Variants in HCRTR2 observed in about 807,000 individuals in gnomAD.
The protein encoded by HCRTR2 is orexin receptor type 2.
HCRTR2 carries 22 observed loss-of-function variants against 49.0 expected under a neutral mutation model. The observed-to-expected ratio is 0.45, with a 90% CI of 0.32 to 0.64. The LOEUF is 0.64. HCRTR2 is among the 30% of genes least tolerant of loss of function. The pLI, the probability that HCRTR2 is intolerant of heterozygous loss-of-function variation, is 0.04. For missense variants in HCRTR2, 491 were observed against 559.4 expected (o/e 0.88, Z 1.23); for synonymous variants, 236 against 205.3 (o/e 1.15, Z -1.28).
intron 1 of HCRTR2, among the ~76,000 whole-genome samples, chr6:55,205,239 A>G (rs116683135): frequency 0.011 from 1,665 of 152,340 alleles, 25 homozygotes; most frequent in African/African-American, 0.038. Flanking sequence ...CTGTGAGCCG[A>G]GATGAGATCA....
chr6:55,125,372 AGCTTAGTTTGGCTGGATAT>A (rs1764258745), intron 1 of HCRTR2, among the ~76,000 whole-genome samples: 1 of 152,098 alleles, frequency 6.6e-6, no homozygotes, highest in African/African-American at 2.4e-5. Flanking sequence ...TCACTATTGA[AGCTTAGTTTGGCTGGATAT>A]AAAATTCTGG....
At chr6:55,153,610 AT>A in intron 1 of HCRTR2, among the ~76,000 whole-genome samples, 1 of 152,106 alleles carries the variant, frequency 6.6e-6, no homozygotes, top group South Asian at 2.1e-4. Context: ...TGTTTTGATT[AT>A]TGTAGCTTTG....
chr6:55,276,891 A>G (rs1035892343), intron 4 of HCRTR2, among the ~76,000 whole-genome samples: 2 of 152,198 alleles, frequency 1.3e-5, no homozygotes, highest in Non-Finnish European at 2.9e-5. Flanking sequence ...CTCGAGAAGC[A>G]GAAAACCTGA....
At chr6:55,162,325 A>G (rs1282442279) in intron 1 of HCRTR2, among the ~76,000 whole-genome samples, 1 of 152,212 alleles carries the variant, frequency 6.6e-6, no homozygotes, top group Non-Finnish European at 1.5e-5. Context: ...CTAGGTATCG[A>G]TGCAATGTAT....
chr6:55,132,270 T>A (rs543155050), intron 1 of HCRTR2, among the ~76,000 whole-genome samples: 6 of 152,022 alleles, frequency 3.9e-5, no homozygotes, highest in Admixed American at 3.3e-4. Flanking sequence ...CTAAACTCTT[T>A]CATAAAATGC....
In HCRTR2 at chr6:55,242,973, T is replaced by C. The variant is rs561517027; in HGVS notation, c.224-5666T>C. On this transcript the variant is annotated intron_variant, in intron 1 of 6. Transcript: ENST00000370862. Reference sequence around the variant, plus strand: ...TCTGAATATTATTTAACATATTTTATAAAGATATCCTTCTTTGGATCATGG... The same window carrying C: ...TCTGAATATTATTTAACATATTTTACAAAGATATCCTTCTTTGGATCATGG... Among the ~76,000 whole-genome samples, 7 of 152,372 alleles carry C rather than the reference T, an allele frequency of 4.6e-5. No individual in the cohort carries two copies. In the South Asian group the frequency reaches 1.4e-3, roughly 32 times the overall value.
intron 1 of HCRTR2, among the ~76,000 whole-genome samples, chr6:55,132,467 C>G (rs1561981793): frequency 6.6e-6 from 1 of 151,928 alleles, no homozygotes; most frequent in Non-Finnish European, 1.5e-5. Context: ...TATTGACACA[C>G]TATGCATGCC....
intron 4 of HCRTR2, among the ~76,000 whole-genome samples, chr6:55,266,160 C>T (rs1766856562): frequency 6.6e-6 from 1 of 152,114 alleles, no homozygotes; most frequent in Admixed American, 6.6e-5. Context: ...TTAATAATGG[C>T]CTCTCAACTA....
At chr6:55,133,879 G>A (rs9475160) in intron 1 of HCRTR2, among the ~76,000 whole-genome samples, 5,022 of 151,556 alleles carry the variant, frequency 0.033, 287 homozygotes, top group African/African-American at 0.11. Context: ...AAAATTTCTT[G>A]ATTTCATTCT....
intron 1 of HCRTR2, among the ~76,000 whole-genome samples, chr6:55,106,786 C>A (rs1763981087): frequency 1.3e-5 from 2 of 152,094 alleles, no homozygotes; most frequent in Non-Finnish European, 2.9e-5. Context: ...CCTGACAAAA[C>A]CCTGGGTTAA....
At chr6:55,119,895 T>G (rs780174808) in intron 1 of HCRTR2, among the ~76,000 whole-genome samples, 1 of 152,190 alleles carries the variant, frequency 6.6e-6, no homozygotes, top group Non-Finnish European at 1.5e-5. Context: ...AGGATTTTTA[T>G]GGTTTTAGGT....
intron 1 of HCRTR2, among the ~76,000 whole-genome samples, chr6:55,146,013 A>C (rs890035178): frequency 1.3e-5 from 2 of 151,604 alleles, no homozygotes; most frequent in Non-Finnish European, 2.9e-5. Flanking sequence ...GCTGGAAATG[A>C]GTTGTTGAAT....
chr6:55,193,384 A>G (rs1765354081), intron 1 of HCRTR2, among the ~76,000 whole-genome samples: 1 of 152,178 alleles, frequency 6.6e-6, no homozygotes, highest in Non-Finnish European at 1.5e-5. Context: ...AAGAAAGTGA[A>G]TGACAGGAGG....
intron 1 of HCRTR2, among the ~76,000 whole-genome samples, chr6:55,228,619 T>C (rs1562014328): frequency 6.6e-6 from 1 of 152,118 alleles, no homozygotes; most frequent in Non-Finnish European, 1.5e-5. Flanking sequence ...GTTTCACAGG[T>C]ATCACACCAA....
rs564738461 is a variant in HCRTR2, at chr6:55,245,398, T to C, written c.224-3241T>C. On this transcript the variant is annotated intron_variant, in intron 1 of 6. Transcript: ENST00000370862. The stretch of plus-strand genomic sequence containing the variant: ...ATATATATATATATGTATATATATA[T>C]ACACACACACACACATAGGAATACA... Among the ~76,000 whole-genome samples the C allele has an allele frequency of 4.7e-3, 660 of 140,720 alleles. 10 individuals carry two copies. The highest frequency in any genetic ancestry group is 0.017 in the African/African-American group (630 of 38,028). 92.3% of individuals were successfully genotyped at this position (140,720 alleles called of 152,430 possible). A position where few individuals can be genotyped will look rare whatever the true frequency, so the allele number is the denominator to read the frequency against.
upstream of HCRTR2, among the ~76,000 whole-genome samples, chr6:55,173,188 A>G (rs1764976647): frequency 6.6e-6 from 1 of 152,252 alleles, no homozygotes; most frequent in African/African-American, 2.4e-5. Context: ...ACCAAGATGC[A>G]AACTAGGAAT....
chr6:55,277,656 TTAAC>T, intron 5 of HCRTR2, 56 bp downstream of exon 5: 2 of 1,249,762 alleles, frequency 1.6e-6, no homozygotes, highest in Admixed American at 2.3e-5. Flanking sequence ...TGATTCTTAA[TTAAC>T]TTTTTTTTTT....
chr6:55,248,517 A>G (rs1581855659), intron 1 of HCRTR2, 122 bp from the exon 2 acceptor site: 3 of 800,120 alleles, frequency 3.7e-6, no homozygotes, highest in Non-Finnish European at 6.5e-6. Flanking sequence ...AACACGGCAC[A>G]GCCTTCAATT....
At chr6:55,159,797 A>G (rs1195258595) in intron 1 of HCRTR2, among the ~76,000 whole-genome samples, 1 of 152,218 alleles carries the variant, frequency 6.6e-6, no homozygotes, top group African/African-American at 2.4e-5. Flanking sequence ...AAAAAAGAAT[A>G]AAAAGGAATG....
Sources: allele counts gnomAD v4.1 joint callset (sites outside exome capture counted in the v4.1 genomes callset), GRCh38; gene constraint gnomAD v4.1.1; transcripts MANE v1.5; gene names NCBI Gene and HGNC (gene_info 2026-07-23, HGNC 2026-07-21).